Variants in NKX1-2 observed in about 807,000 individuals in gnomAD.
NKX1-2 encodes NK1 homeobox 2, also known as NK1 transcription factor-related protein 2.
In NKX1-2, 1 loss-of-function variant was observed where a neutral mutation model predicts 4.4. The ratio of observed to expected loss-of-function variants is 0.23; its 90% CI spans 0.08 to 1.08. NKX1-2 has a LOEUF of 1.08. NKX1-2 is among the 50% of genes least tolerant of loss of function. NKX1-2 has a pLI of 0.55. For missense variants in NKX1-2, 503 were observed against 464.6 expected, an observed-to-expected ratio of 1.08 and a Z score of -0.76; for synonymous variants, 235 against 228.0, an observed-to-expected ratio of 1.03 and a Z score of -0.28.
rs1401186078 is a variant in NKX1-2, at chr10:124,448,043, C to G, written c.319G>C (p.Ala107Pro). The G allele has an allele frequency of 2.0e-6, 3 of 1,519,040 alleles. No individual in the cohort carries two copies. Among genetic ancestry groups the G allele is most frequent in the Middle Eastern group, 1.9e-4 (1 of 5,290 alleles). 94.1% of individuals were successfully genotyped at this position (1,519,040 alleles called of 1,614,324 possible). ...GCTAGGCCCGGCAGCAAGCGCGCAG[C>G]CCGCTCCCGCAGCCGCGGCCTCCTC... ...DPRRPRLRER[A>P]ARLLPGLARS... The change falls in exon 2 of 2, where the codon GCT (alanine) becomes CCT (proline). Residue 107 changes from alanine (A) to proline (P), a missense_variant. Transcript: ENST00000451024. This position sits in a 1 kb window ranked among gnomAD's most constrained non-coding sequence, Gnocchi z 4.1.
In NKX1-2 at chr10:124,445,339, C is replaced by T. The variant is rs894217935; in HGVS notation, c.*2090G>A. The T allele has an allele frequency of 1.3e-5, 2 of 152,120 alleles. No individual in the cohort carries two copies. Among genetic ancestry groups the T allele is most frequent in the Non-Finnish European group, 2.9e-5 (2 of 68,026 alleles). The allele number at this position is 152,120 out of a possible 1,614,324, so 9.4% of individuals were successfully genotyped here. On this transcript the variant is annotated 3_prime_UTR_variant, in exon 2 of 2. Transcript: ENST00000451024. ...TGGGCCTTTTAAAGCAGCAGAAGTC[C>T]AAAGTCACACGCTTCAAGCATTACT...
At position 124,446,861 on chromosome 10, in the gene NKX1-2, T is replaced by C. The variant is rs1349816956; in HGVS notation, c.*568A>G. Reference sequence around the variant, plus strand: ...CGAATCTTAAGTAAAGATCTAGAAATGTGGAGTTTTATGCATTTTAAAAAT... The same window carrying C: ...CGAATCTTAAGTAAAGATCTAGAAACGTGGAGTTTTATGCATTTTAAAAAT... On this transcript the variant is annotated 3_prime_UTR_variant, in exon 2 of 2. Coordinates refer to ENST00000451024, the MANE Select transcript of NKX1-2 (RefSeq NM_001146340.3). 6.6e-6 allele frequency: 1 copy of C among 152,064 alleles called. No individual in the cohort carries two copies. Among genetic ancestry groups the C allele is most frequent in the African/African-American group, 2.4e-5 (1 of 41,400 alleles). 9.4% of individuals were successfully genotyped at this position (152,064 alleles called of 1,614,324 possible).
In NKX1-2 at chr10:124,449,472, G is replaced by T. The variant is rs1426059826; in HGVS notation, c.214+258C>A. 3 of 687,210 alleles carry T rather than the reference G, an allele frequency of 4.4e-6. No individual in the cohort carries two copies. The highest frequency in any genetic ancestry group is 8.0e-6 in the Non-Finnish European group (3 of 375,488). 42.6% of individuals were successfully genotyped at this position (687,210 alleles called of 1,614,324 possible). On this transcript the variant is annotated intron_variant, in intron 1 of 1. Transcript: ENST00000451024. This position sits in a 1 kb window ranked among gnomAD's most constrained non-coding sequence, Gnocchi z 7.5. ...GACAGGCGCCAGGTAAGTTTCCACC[G>T]CGAGCATCAGAACTGTGGTGCGGGT...
Position 124,447,450 on chromosome 10 carries a change from G to A in NKX1-2, c.912C>T (p.Pro304=), listed in dbSNP as rs1952250832. Residue 304 remains proline, a synonymous_variant, in exon 2 of 2, where the codon CCC becomes CCT. Transcript: ENST00000451024. ...GGATTCATAGACGCGGGGCGTAGAA[G>A]GGGGTCAGGTAGGAAGGCCCAAGGA... The part of the protein sequence containing the change: ...APFLGPSYLT[P]FYAPRL 8.0e-7 allele frequency: 1 copy of A among 1,256,094 alleles called. No individual in the cohort carries two copies. 77.8% of individuals were successfully genotyped at this position (1,256,094 alleles called of 1,614,324 possible). A position where few individuals can be genotyped will look rare whatever the true frequency, so the allele number is the denominator to read the frequency against.
At position 124,448,188 on chromosome 10, in the gene NKX1-2, C is replaced by T. The variant is rs571623678; in HGVS notation, c.215-41G>A. 1.9e-3 allele frequency: 2,683 copies of T among 1,401,068 alleles called. 2 individuals are homozygous for T. Among genetic ancestry groups the T allele is most frequent in the Non-Finnish European group, 2.3e-3 (2,530 of 1,084,040 alleles). The allele number at this position is 1,401,068 out of a possible 1,614,324, so 86.8% of individuals were successfully genotyped here. On this transcript the variant is annotated intron_variant, in intron 1 of 1. Transcript: ENST00000451024. This position sits in a 1 kb window ranked among gnomAD's most constrained non-coding sequence, Gnocchi z 4.1. The stretch of plus-strand genomic sequence containing the variant: ...TCGGTGAACAGAAGCCTCTCCAGGT[C>T]CCCAAACCTCGTCCTCGTCCTCCCT...
In NKX1-2 at chr10:124,448,395, C is replaced by T. The variant is rs146695808; in HGVS notation, c.215-248G>A. 294 of 440,998 alleles carry T rather than the reference C, an allele frequency of 6.7e-4. 2 individuals carry two copies. The highest frequency in any genetic ancestry group is 5.2e-3 in the African/African-American group (257 of 49,410). The allele number at this position is 440,998 out of a possible 1,614,324, so 27.3% of individuals were successfully genotyped here. A position where few individuals can be genotyped will look rare whatever the true frequency, so the allele number is the denominator to read the frequency against. The stretch of plus-strand genomic sequence containing the variant: ...ATGTACGCCAAATGAATGAATGACA[C>T]CCCGCATTAAGAAAAAATAGTGACA... On this transcript the variant is annotated intron_variant, in intron 1 of 1. Coordinates refer to ENST00000451024, the MANE Select transcript of NKX1-2 (RefSeq NM_001146340.3). This position sits in a 1 kb window ranked among gnomAD's most constrained non-coding sequence, Gnocchi z 4.1.
Position 124,447,917 on chromosome 10 carries a change from G to A in NKX1-2, c.445C>T (p.Pro149Ser). The A allele has an allele frequency of 7.1e-7, 1 of 1,399,852 alleles. No individual in the cohort carries two copies. Among genetic ancestry groups the A allele is most frequent in the Non-Finnish European group, 9.3e-7 (1 of 1,074,358 alleles). 86.7% of individuals were successfully genotyped at this position (1,399,852 alleles called of 1,614,324 possible). The stretch of plus-strand genomic sequence containing the variant: ...TCCAGGCGCCGGCGCCTGGGACGCG[G>A]GGAGCCGGGGGATCCCGGGGGGGAC... The part of the protein sequence containing the change: ...VRSPPGSPGS[P>S]RPRRRRLEPN... The change falls in exon 2 of 2, where the codon CCG (proline) becomes TCG (serine). Residue 149 changes from proline (P) to serine (S), a missense_variant. By Grantham distance (74) the Pro-to-Ser change is moderately conservative. Coordinates refer to ENST00000451024, the MANE Select transcript of NKX1-2 (RefSeq NM_001146340.3).
chr10:124,447,866 C>T lies in NKX1-2; in HGVS notation c.496G>A (p.Ala166Thr), dbSNP rs1444619728. The change falls in exon 2 of 2, where the codon GCG becomes ACG. Residue 166 changes from alanine to threonine, a missense_variant. Coordinates refer to ENST00000451024, the MANE Select transcript of NKX1-2 (RefSeq NM_001146340.3). ...TGCTCGTAGGTGAAGGCGGTGCGCG[C>T]GCGCCGCGGCTTGGCGCAGTTGGGC... ...LEPNCAKPRR[A>T]RTAFTYEQLV... The T allele has an allele frequency of 2.8e-6, 4 of 1,445,152 alleles. No individual in the cohort carries two copies. The highest frequency in any genetic ancestry group is 1.4e-5 in the South Asian group (1 of 71,714). 89.5% of individuals were successfully genotyped at this position (1,445,152 alleles called of 1,614,324 possible).
chr10:124,449,787 C>T lies in NKX1-2; in HGVS notation c.157G>A (p.Val53Ile). The change falls in exon 1 of 2, where the codon GTC (valine) becomes ATC (isoleucine). Residue 53 changes from valine to isoleucine, a missense_variant. Physicochemically the swap from Val to Ile is conservative, Grantham distance 29. Transcript: ENST00000451024. This position sits in a 1 kb window ranked among gnomAD's most constrained non-coding sequence, Gnocchi z 7.5. ...PREARKSLAE[V>I]EAGKDASSRD... ...GAGCTGGCATCTTTCCCCGCTTCGA[C>T]CTCCGCCAAACTTTTCCTGGCTTCC... 1.3e-6 allele frequency: 2 copies of T among 1,551,746 alleles called. No individual in the cohort carries two copies. Among genetic ancestry groups the T allele is most frequent in the Non-Finnish European group, 1.7e-6 (2 of 1,147,002 alleles).
rs995080013 is a variant in NKX1-2, at chr10:124,447,321, G to T, written c.*108C>A. 51 of 834,270 alleles carry T rather than the reference G, an allele frequency of 6.1e-5. No individual in the cohort carries two copies. Among genetic ancestry groups the T allele is most frequent in the Non-Finnish European group, 8.3e-5 (51 of 612,262 alleles). 51.7% of individuals were successfully genotyped at this position (834,270 alleles called of 1,614,324 possible). On this transcript the variant is annotated 3_prime_UTR_variant, in exon 2 of 2. Transcript: ENST00000451024. The stretch of plus-strand genomic sequence containing the variant: ...GATCGCGGGTGCGCGCGGCGGGCAG[G>T]GGTGCGCTGACACCCGCGCACCTGC...
In NKX1-2 at chr10:124,447,487, G is replaced by A; in HGVS notation, c.875C>T (p.Pro292Leu). 1 of 1,271,196 alleles carries A rather than the reference G, an allele frequency of 7.9e-7. No individual in the cohort carries two copies. The highest frequency in any genetic ancestry group is 1.0e-6 in the Non-Finnish European group (1 of 1,004,620). 78.7% of individuals were successfully genotyped at this position (1,271,196 alleles called of 1,614,324 possible). The change falls in exon 2 of 2, where the codon CCT becomes CTT. Residue 292 changes from proline to leucine, a missense_variant. Pro to Leu is a moderately conservative substitution (Grantham distance 98, BLOSUM62 -3). Coordinates refer to ENST00000451024, the MANE Select transcript of NKX1-2 (RefSeq NM_001146340.3). Reference protein sequence around the residue: ...FPLTAAAPGSPFAPFLGPSYL... With the variant: ...FPLTAAAPGSLFAPFLGPSYL... ...GGAAGGCCCAAGGAACGGCGCGAAA[G>A]GGCTCCCGGGGGCGGCAGCCGTCAG...
chr10:124,448,051 C>G lies in NKX1-2; in HGVS notation c.311G>C (p.Arg104Pro), dbSNP rs1256259100. Residue 104 changes from arginine (R) to proline (P), a missense_variant, in exon 2 of 2, where the codon CGG becomes CCG. By Grantham distance (103) the Arg-to-Pro change is moderately radical. Coordinates refer to ENST00000451024, the MANE Select transcript of NKX1-2 (RefSeq NM_001146340.3). This position sits in a 1 kb window ranked among gnomAD's most constrained non-coding sequence, Gnocchi z 4.1. ...DAEDPRRPRL[R>P]ERAARLLPGL... is the part of the protein sequence containing the mutation. ...CGGCAGCAAGCGCGCAGCCCGCTCC[C>G]GCAGCCGCGGCCTCCTCGGATCCTC... 14 of 1,519,838 alleles carry G rather than the reference C, an allele frequency of 9.2e-6. No homozygotes were observed. The highest frequency in any genetic ancestry group is 7.0e-6 in the Non-Finnish European group (8 of 1,139,022). The allele number at this position is 1,519,838 out of a possible 1,614,324, so 94.1% of individuals were successfully genotyped here. A position where few individuals can be genotyped will look rare whatever the true frequency, so the allele number is the denominator to read the frequency against.
chr10:124,448,013 A>C lies in NKX1-2; in HGVS notation c.349T>G (p.Ser117Ala). ...AATGCCCCGGCCGGGGCGTCAGGTG[A>C]GCGCGCTAGGCCCGGCAGCAAGCGC... is the stretch of plus-strand genomic sequence containing the variant. Reference protein sequence around the residue: ...AARLLPGLARSPDAPAGALAS... With the variant: ...AARLLPGLARAPDAPAGALAS... The change falls in exon 2 of 2, where the codon TCA (serine) becomes GCA (alanine). Residue 117 changes from serine (S) to alanine (A), a missense_variant. Ser to Ala is a moderately conservative substitution (Grantham distance 99, BLOSUM62 1). Transcript: ENST00000451024. This position sits in a 1 kb window ranked among gnomAD's most constrained non-coding sequence, Gnocchi z 4.1. 6.7e-7 allele frequency: 1 copy of C among 1,502,804 alleles called. No homozygotes were observed. 93.1% of individuals were successfully genotyped at this position (1,502,804 alleles called of 1,614,324 possible). A position where few individuals can be genotyped will look rare whatever the true frequency, so the allele number is the denominator to read the frequency against.
rs1303093788 is a variant in NKX1-2, at chr10:124,448,079, C to A, written c.283G>T (p.Ala95Ser). 6.6e-7 allele frequency: 1 copy of A among 1,523,102 alleles called. No homozygotes were observed. The highest frequency in any genetic ancestry group is 8.8e-7 in the Non-Finnish European group (1 of 1,140,480). 94.3% of individuals were successfully genotyped at this position (1,523,102 alleles called of 1,614,324 possible). ...AGCCGCGGCCTCCTCGGATCCTCCG[C>A]ATCCTCCTCCTCTTCCGCCTCGGAA... is the stretch of plus-strand genomic sequence containing the variant. ...EGSEAEEEED[A>S]EDPRRPRLRE... Residue 95 changes from alanine to serine, a missense_variant, in exon 2 of 2, where the codon GCG (alanine) becomes TCG (serine). Transcript: ENST00000451024. The surrounding 1 kb of genome is among the most constrained non-coding windows in gnomAD (Gnocchi z 4.1).
In NKX1-2 at chr10:124,447,684, G is replaced by C. The variant is rs1469983777; in HGVS notation, c.678C>G (p.Asp226Glu). The change falls in exon 2 of 2, where the codon GAC becomes GAG. Residue 226 changes from aspartate to glutamate, a missense_variant. Asp to Glu is a conservative substitution (Grantham distance 45). Coordinates refer to ENST00000451024, the MANE Select transcript of NKX1-2 (RefSeq NM_001146340.3). ...TKWKKQNPGADGAAQVGGGAP... is the reference protein window; with the variant it reads ...TKWKKQNPGAEGAAQVGGGAP... ...CGCCACCCCCCACCTGCGCCGCGCC[G>C]TCGGCACCCGGGTTCTGCTTCTTCC... 1 of 1,412,118 alleles carries C rather than the reference G, an allele frequency of 7.1e-7. No individual in the cohort carries two copies. The highest frequency in any genetic ancestry group is 9.3e-7 in the Non-Finnish European group (1 of 1,071,750). 87.5% of individuals were successfully genotyped at this position (1,412,118 alleles called of 1,614,324 possible).
rs1224457867 is a variant in NKX1-2 at position 124,449,786 on chromosome 10, A to T, written c.158T>A (p.Val53Asp). 1.0e-5 allele frequency: 16 copies of T among 1,551,224 alleles called. 1 individual carries two copies. The African/African-American group carries it at 1.9e-4, about 19-fold the overall frequency. Residue 53 changes from valine (V) to aspartate (D), a missense_variant, in exon 1 of 2, where the codon GTC becomes GAC. Val to Asp is a radical substitution (Grantham distance 152). Transcript: ENST00000451024. The surrounding 1 kb of genome is among the most constrained non-coding windows in gnomAD (Gnocchi z 7.5). ...PREARKSLAE[V>D]EAGKDASSRD... Reference sequence around the variant, plus strand: ...GGAGCTGGCATCTTTCCCCGCTTCGACCTCCGCCAAACTTTTCCTGGCTTC... The same window carrying T: ...GGAGCTGGCATCTTTCCCCGCTTCGTCCTCCGCCAAACTTTTCCTGGCTTC...
rs1952244439 is a variant in NKX1-2 at position 124,447,059 on chromosome 10, T to G, written c.*370A>C. On this transcript the variant is annotated 3_prime_UTR_variant, in exon 2 of 2. Coordinates refer to ENST00000451024, the MANE Select transcript of NKX1-2 (RefSeq NM_001146340.3). The stretch of plus-strand genomic sequence containing the variant: ...TCTGATGAGCCAGCACCTTTAAAGG[T>G]TCCATCCTAGCCGCCAGCAGCTGGC... 1 of 172,378 alleles carries G rather than the reference T, an allele frequency of 5.8e-6. No individual in the cohort carries two copies. The highest frequency in any genetic ancestry group is 2.4e-5 in the African/African-American group (1 of 42,328). The allele number at this position is 172,378 out of a possible 1,614,324, so 10.7% of individuals were successfully genotyped here.
Position 124,449,658 on chromosome 10 carries a change from C to G in NKX1-2, c.214+72G>C. The G allele has an allele frequency of 1.7e-6, 2 of 1,162,542 alleles. No homozygotes were observed. The highest frequency in any genetic ancestry group is 2.5e-6 in the Non-Finnish European group (2 of 799,402). The allele number at this position is 1,162,542 out of a possible 1,614,324, so 72.0% of individuals were successfully genotyped here. A position where few individuals can be genotyped will look rare whatever the true frequency, so the allele number is the denominator to read the frequency against. On this transcript the variant is annotated intron_variant, in intron 1 of 1. Coordinates refer to ENST00000451024, the MANE Select transcript of NKX1-2 (RefSeq NM_001146340.3). This position sits in a 1 kb window ranked among gnomAD's most constrained non-coding sequence, Gnocchi z 7.5. Reference sequence around the variant, plus strand: ...GCTGTTAAGGGCCACTCACCGGGCCCGGCTGTTCCCCCATACACTCCGCAT... The same window carrying G: ...GCTGTTAAGGGCCACTCACCGGGCCGGGCTGTTCCCCCATACACTCCGCAT...
In NKX1-2 at chr10:124,448,057, C is replaced by G. The variant is rs1198680400; in HGVS notation, c.305G>C (p.Arg102Pro). ...CAAGCGCGCAGCCCGCTCCCGCAGC[C>G]GCGGCCTCCTCGGATCCTCCGCATC... ...EEDAEDPRRP[R>P]LRERAARLLP... Residue 102 changes from arginine to proline, a missense_variant, in exon 2 of 2, where the codon CGG becomes CCG. Coordinates refer to ENST00000451024, the MANE Select transcript of NKX1-2 (RefSeq NM_001146340.3). The surrounding 1 kb of genome is among the most constrained non-coding windows in gnomAD (Gnocchi z 4.1). 2.6e-6 allele frequency: 4 copies of G among 1,520,738 alleles called. No individual in the cohort carries two copies. The African/African-American group carries it at 4.3e-5, about 16-fold the overall frequency. 94.2% of individuals were successfully genotyped at this position (1,520,738 alleles called of 1,614,324 possible).
Sources: allele counts gnomAD v4.1 joint callset, GRCh38; gene constraint gnomAD v4.1.1; non-coding constraint Gnocchi (gnomAD v3.1); transcripts MANE v1.5; gene names NCBI Gene and HGNC (gene_info 2026-07-23, HGNC 2026-07-21).